The following KIF26B variants were observed in gnomAD, a reference collection of about 807,000 sequenced individuals.
KIF26B encodes kinesin family member 26B.
In KIF26B, 63 loss-of-function variants were observed where a neutral mutation model predicts 151.2. That is an observed-to-expected ratio of 0.42 (90% CI 0.34 to 0.51). KIF26B has a LOEUF of 0.51. KIF26B is among the 20% of genes least tolerant of loss of function. The pLI is 0.07. For missense variants in KIF26B, 2,813 were observed against 2,913.6 expected, an observed-to-expected ratio of 0.97 and a Z score of 0.79; for synonymous variants, 1,357 against 1,262.1, an observed-to-expected ratio of 1.08 and a Z score of -1.59.
intron 9 of KIF26B, chr1:245,614,827 T>G (rs1007931818): frequency 2.0e-5 from 3 of 152,194 alleles, no homozygotes; most frequent in Non-Finnish European, 4.4e-5. Context: ...CGCTTCCGTT[T>G]AGAATCACGT....
intron 7 of KIF26B, among the ~76,000 whole-genome samples, chr1:245,608,845 G>A (rs2043485950): frequency 6.6e-6 from 1 of 151,958 alleles, no homozygotes; most frequent in South Asian, 2.1e-4. Context: ...TCCAATTCCT[G>A]GGCTCAAGTG....
rs780472709 is a variant in KIF26B at position 245,608,892 on chromosome 1, C to T, written c.1652-374C>T. ...TCAGCTTCCCAAGTAGCTGGGGCCA[C>T]AGGCATGCCCCACCACACCCAGATA... On this transcript the variant is annotated intron_variant, in intron 7 of 14. Coordinates refer to ENST00000407071, the MANE Select transcript of KIF26B (RefSeq NM_018012.4). Among the ~76,000 whole-genome samples the T allele has an allele frequency of 3.7e-4, 57 of 152,154 alleles. No individual in the cohort carries two copies. The Middle Eastern group carries it at 0.01, about 27-fold the overall frequency.
chr1:245,591,596 G>A (rs979052070), intron 5 of KIF26B, among the ~76,000 whole-genome samples: 4 of 152,160 alleles, frequency 2.6e-5, no homozygotes, highest in Non-Finnish European at 4.4e-5. Flanking sequence ...CAGATGGGAC[G>A]CTCTGACAGC....
intron 2 of KIF26B, among the ~76,000 whole-genome samples, chr1:245,199,319 C>CCCTCCTCCCTT (rs1378561885): frequency 2.5e-4 from 38 of 152,220 alleles, no homozygotes; most frequent in Non-Finnish European, 4.6e-4. Context: ...CCTCCTCCCT[C>CCCTCCTCCCTT]CCTCCTCCCT....
chr1:245,389,529 T>G (rs1490968249), intron 3 of KIF26B, among the ~76,000 whole-genome samples: 1 of 152,228 alleles, frequency 6.6e-6, no homozygotes, highest in Admixed American at 6.5e-5. Context: ...TAGAATTGGC[T>G]AATAGGGATC....
At chr1:245,679,604 G>A (rs2044405346) in intron 10 of KIF26B, among the ~76,000 whole-genome samples, 1 of 151,468 alleles carries the variant, frequency 6.6e-6, no homozygotes, top group Admixed American at 6.6e-5. Context: ...GAGAAGCTGG[G>A]ATTATAGGCG....
chr1:245,693,027 C>A (rs1046156117), intron 12 of KIF26B, among the ~76,000 whole-genome samples: 1 of 152,142 alleles, frequency 6.6e-6, no homozygotes, highest in Admixed American at 6.5e-5. Flanking sequence ...CCAGTCCTCG[C>A]GCTCCCCCGT....
intron 2 of KIF26B, among the ~76,000 whole-genome samples, chr1:245,331,087 G>A (rs904237639): frequency 3.3e-5 from 5 of 152,014 alleles, no homozygotes; most frequent in South Asian, 2.1e-4. Context: ...GAACGCAGCC[G>A]CGGCAGGGGG....
At chr1:245,255,233 G>A (rs1670510845) in intron 2 of KIF26B, among the ~76,000 whole-genome samples, 1 of 152,160 alleles carries the variant, frequency 6.6e-6, no homozygotes, top group South Asian at 2.1e-4. Flanking sequence ...GAACTGCAAA[G>A]AAATGAGTTT....
At position 245,608,762 on chromosome 1, in the gene KIF26B, C is replaced by CT. The variant is rs376470035; in HGVS notation, c.1652-494dup. ...ACATGTCTGGGCTCTTGCTTTGTTT[C>CT]TTTTTTTTTTAAGAGATGGCTCTCA... is the stretch of plus-strand genomic sequence containing the variant. On this transcript the variant is annotated intron_variant, in intron 7 of 14. Coordinates refer to ENST00000407071, the MANE Select transcript of KIF26B (RefSeq NM_018012.4). Among the ~76,000 whole-genome samples, 764 of 148,434 alleles carry CT rather than the reference C, an allele frequency of 5.1e-3. 8 individuals are homozygous for CT. Among genetic ancestry groups the CT allele is most frequent in the African/African-American group, 0.018 (712 of 40,542 alleles).
At chr1:245,202,497 G>A (rs559395068) in intron 2 of KIF26B, among the ~76,000 whole-genome samples, 2 of 152,118 alleles carry the variant, frequency 1.3e-5, no homozygotes, top group East Asian at 1.9e-4. Context: ...AGTGGCTCAC[G>A]CCTATAATCC....
At chr1:245,376,964 A>G (rs995147425) in intron 3 of KIF26B, among the ~76,000 whole-genome samples, 2 of 151,384 alleles carry the variant, frequency 1.3e-5, no homozygotes, top group African/African-American at 2.4e-5. Context: ...CTGGGATTAC[A>G]GGCGTGAGCC....
In KIF26B at chr1:245,606,331, C is replaced by T. The variant is rs977537469; in HGVS notation, c.1558-1320C>T. Among the ~76,000 whole-genome samples, 2 of 152,212 alleles carry T rather than the reference C, an allele frequency of 1.3e-5. No homozygotes were observed. Among genetic ancestry groups the T allele is most frequent in the African/African-American group, 2.4e-5 (1 of 41,462 alleles). On this transcript the variant is annotated intron_variant, in intron 6 of 14. Coordinates refer to ENST00000407071, the MANE Select transcript of KIF26B (RefSeq NM_018012.4). This position sits in a 1 kb window ranked among gnomAD's most constrained non-coding sequence, Gnocchi z 4.6. ...CTGTGCTGCTGAATAACAACATTCACGGCCCAGGTGCCCACCGGGAGGCAC... is the reference window on the plus strand; with the variant it reads ...CTGTGCTGCTGAATAACAACATTCATGGCCCAGGTGCCCACCGGGAGGCAC...
chr1:245,485,405 A>G (rs2103071061), intron 4 of KIF26B, among the ~76,000 whole-genome samples: 1 of 141,834 alleles, frequency 7.1e-6, no homozygotes, highest in South Asian at 2.2e-4. Context: ...TTTTTTTGAG[A>G]CAAAGTTTCG....
chr1:245,568,184 CAAAAAAAAAA>C (rs61494632), intron 5 of KIF26B, among the ~76,000 whole-genome samples: 24 of 28,680 alleles, frequency 8.4e-4, no homozygotes, highest in South Asian at 2.6e-3. Context: ...AACTCCATCT[CAAAAAAAAAA>C]AAAAAAAAAA....
intron 10 of KIF26B, among the ~76,000 whole-genome samples, chr1:245,674,907 G>A (rs1455721962): frequency 6.6e-6 from 1 of 152,074 alleles, no homozygotes; most frequent in African/African-American, 2.4e-5. Flanking sequence ...AAGCAATTAG[G>A]GTCCAACTAC....
intron 2 of KIF26B, among the ~76,000 whole-genome samples, chr1:245,257,781 G>T (rs1399967558): frequency 2.6e-5 from 4 of 152,198 alleles, no homozygotes; most frequent in Non-Finnish European, 5.9e-5. Flanking sequence ...CAGCACTTTG[G>T]GAGGCCAACG....
chr1:245,184,649 G>A (rs1668970385), intron 2 of KIF26B, among the ~76,000 whole-genome samples: 1 of 152,196 alleles, frequency 6.6e-6, no homozygotes, highest in African/African-American at 2.4e-5. Context: ...AATATGGAGT[G>A]TTACTTCTCA....
chr1:245,688,861 G>C, intron 12 of KIF26B, 54 bp downstream of exon 12: 1 of 1,506,480 alleles, frequency 6.6e-7, no homozygotes, highest in Non-Finnish European at 8.9e-7. Context: ...TGGGCGAGCT[G>C]CCCAAACCCC....
Sources: gnomAD v4.1 joint callset for allele counts (sites outside exome capture counted in the v4.1 genomes callset) on GRCh38, gnomAD v4.1.1 for gene constraint, Gnocchi (gnomAD v3.1) non-coding constraint, MANE v1.5 for transcripts, NCBI Gene and HGNC (gene_info 2026-07-23, HGNC 2026-07-21) for gene names.